Variants in LRCH3 observed in about 807,000 individuals in gnomAD.
LRCH3 encodes leucine rich repeats and calponin homology domain containing 3, also known as DISP complex protein LRCH3.
Under a neutral mutation model 104.5 loss-of-function variants are expected in LRCH3, and 68 were observed. The ratio of observed to expected loss-of-function variants is 0.65; its 90% confidence interval spans 0.54 to 0.80. LRCH3 has a LOEUF of 0.80. Ranked by LOEUF, LRCH3 falls within the 30% of genes least tolerant of loss-of-function variation. The pLI is 0.00. For synonymous variants in LRCH3, 344 were observed against 361.3 expected (o/e 0.95, Z 0.54); for missense variants, 951 against 953.9 (o/e 1.00, Z 0.04).
At chr3:197,822,065 T>C (rs895342329) in intron 4 of LRCH3, among the ~76,000 whole-genome samples, 5 of 152,246 alleles carry the variant, frequency 3.3e-5, no homozygotes, top group African/African-American at 1.2e-4. Context: ...TATTTAGTTC[T>C]AACATACTAG....
At chr3:197,872,687 A>G (rs774010026) in intron 19 of LRCH3, among the ~76,000 whole-genome samples, 1 of 151,926 alleles carries the variant, frequency 6.6e-6, no homozygotes. Context: ...TGAAACCCCA[A>G]CTCTACTAAA....
At position 197,886,875 on chromosome 3, in the gene LRCH3, A is replaced by G. The variant is rs1714239791; in HGVS notation, c.*3209A>G. 6.6e-6 allele frequency: 1 copy of G among 152,094 alleles called. No individual in the cohort carries two copies. The highest frequency in any genetic ancestry group is 2.4e-5 in the African/African-American group (1 of 41,426). The allele number at this position is 152,094 out of a possible 1,614,324, so 9.4% of individuals were successfully genotyped here. A position where few individuals can be genotyped will look rare whatever the true frequency, so the allele number is the denominator to read the frequency against. On this transcript the variant is annotated 3_prime_UTR_variant, in exon 21 of 21. Transcript: ENST00000425562. ...GCAAGGAATAATTCTAGAAGACATTACATAATGCAATACTTGCAACATTTG... is the reference window on the plus strand; with the variant it reads ...GCAAGGAATAATTCTAGAAGACATTGCATAATGCAATACTTGCAACATTTG...
chr3:197,864,731 A>G (rs1741280510), intron 15 of LRCH3, among the ~76,000 whole-genome samples: 1 of 144,916 alleles, frequency 6.9e-6, no homozygotes, highest in Admixed American at 6.8e-5. Flanking sequence ...TTTTTTCCAA[A>G]GGGGGTCAGG....
At chr3:197,879,167 G>C (rs1713255414) in intron 20 of LRCH3, among the ~76,000 whole-genome samples, 1 of 152,166 alleles carries the variant, frequency 6.6e-6, no homozygotes, top group Admixed American at 6.6e-5. Context: ...TCTGAGTCCA[G>C]TATCTTTTGT....
rs935085141 is a variant in LRCH3 at position 197,871,392 on chromosome 3, T to C, written c.2060T>C (p.Val687Ala). The C allele has an allele frequency of 6.2e-7, 1 of 1,614,206 alleles. No individual in the cohort carries two copies. The highest frequency in any genetic ancestry group is 8.5e-7 in the Non-Finnish European group (1 of 1,180,032). The change falls in exon 19 of 21, where the codon GTT (valine) becomes GCT (alanine). Residue 687 changes from valine to alanine, a missense_variant. Coordinates refer to ENST00000425562, the MANE Select transcript of LRCH3 (RefSeq NM_001365715.1). ...GGAGCAGCTCTAACTGACGGTGTTG[T>C]TCTTTGCCATTTGGCCAATCATGTG... ...DLGAALTDGV[V>A]LCHLANHVRP...
intron 17 of LRCH3, among the ~76,000 whole-genome samples, chr3:197,868,253 G>T (rs1340954971): frequency 6.6e-6 from 1 of 152,046 alleles, no homozygotes; most frequent in Non-Finnish European, 1.5e-5. Flanking sequence ...CCACAATAAA[G>T]AAATAATACT....
intron 12 of LRCH3, chr3:197,850,365 TTTTC>T: frequency 5.2e-6 from 5 of 955,784 alleles, no homozygotes; most frequent in East Asian, 2.5e-5. Flanking sequence ...TTTTTTTTTT[TTTTC>T]CTTTTAATTA....
At chr3:197,826,265 C>T (rs1277908618) in intron 4 of LRCH3, among the ~76,000 whole-genome samples, 4 of 152,112 alleles carry the variant, frequency 2.6e-5, no homozygotes, top group Admixed American at 2.0e-4. Flanking sequence ...TCCATTTCTT[C>T]TTCGTTATTG....
chr3:197,855,533 T>A (rs982070238), intron 14 of LRCH3, among the ~76,000 whole-genome samples: 2 of 152,180 alleles, frequency 1.3e-5, no homozygotes, highest in African/African-American at 4.8e-5. Context: ...CAATGTCGCA[T>A]AGACAGTAAG....
At chr3:197,882,809 G>T in intron 20 of LRCH3, 1 of 985,396 alleles carries the variant, frequency 1.0e-6, no homozygotes, top group Non-Finnish European at 1.2e-6. Flanking sequence ...TAATCAACAT[G>T]TTCCTGCCTA....
intron 12 of LRCH3, among the ~76,000 whole-genome samples, chr3:197,850,233 A>T (rs1034113518): frequency 6.6e-6 from 1 of 152,106 alleles, no homozygotes; most frequent in Non-Finnish European, 1.5e-5. Context: ...AATTATTGAG[A>T]TGATGATAAT....
At chr3:197,804,383 T>A (rs917455511) in intron 1 of LRCH3, among the ~76,000 whole-genome samples, 42 of 152,162 alleles carry the variant, frequency 2.8e-4, no homozygotes, top group African/African-American at 6.7e-4. Flanking sequence ...ATGGTTAGAG[T>A]TTGATGTTAG....
At chr3:197,828,761 G>C (rs1735550929) in intron 5 of LRCH3, among the ~76,000 whole-genome samples, 1 of 143,546 alleles carries the variant, frequency 7.0e-6, no homozygotes. Flanking sequence ...AGGCCGGAGT[G>C]CAATGGTGCG....
At chr3:197,837,873 G>A (rs759598813) in intron 9 of LRCH3, among the ~76,000 whole-genome samples, 7 of 149,584 alleles carry the variant, frequency 4.7e-5, no homozygotes, top group African/African-American at 7.4e-5. Flanking sequence ...ATGAAGAAAC[G>A]CTGTCTCTAC....
rs532330644 is a variant in LRCH3 at position 197,856,719 on chromosome 3, A to C, written c.1645-2115A>C. ...TCTTTTATTATCTCTTTTCTGTTGGACTACTAGACTATAAGCTTCATGAAC... is the reference window on the plus strand; with the variant it reads ...TCTTTTATTATCTCTTTTCTGTTGGCCTACTAGACTATAAGCTTCATGAAC... On this transcript the variant is annotated intron_variant, in intron 14 of 20. Transcript: ENST00000425562. The surrounding 1 kb of genome is among the most constrained non-coding windows in gnomAD (Gnocchi z 4.2). 5.9e-5 allele frequency among the ~76,000 whole-genome samples: 9 copies of C among 152,054 alleles called. No individual in the cohort carries two copies. Among genetic ancestry groups the C allele is most frequent in the Non-Finnish European group, 1.3e-4 (9 of 68,010 alleles).
At chr3:197,875,463 A>G (rs1186279082) in intron 19 of LRCH3, among the ~76,000 whole-genome samples, 1 of 152,198 alleles carries the variant, frequency 6.6e-6, no homozygotes, top group African/African-American at 2.4e-5. Context: ...CAGGAATTCA[A>G]GACCAGCCTG....
intron 2 of LRCH3, among the ~76,000 whole-genome samples, chr3:197,815,487 T>C (rs1349758489): frequency 1.3e-5 from 2 of 152,304 alleles, no homozygotes; most frequent in East Asian, 3.9e-4. Flanking sequence ...TTCTACTGAA[T>C]GTGTATTGCA....
intron 15 of LRCH3, 150 bp downstream of exon 15, chr3:197,859,055 C>G (rs189016107): frequency 1.5e-6 from 1 of 655,700 alleles, no homozygotes; most frequent in Non-Finnish European, 2.7e-6. Context: ...ATTGATTTCC[C>G]TTGAAATTTT....
intron 18 of LRCH3, among the ~76,000 whole-genome samples, chr3:197,870,495 CG>C (rs764549286): frequency 3.8e-4 from 58 of 151,992 alleles, no homozygotes; most frequent in Admixed American, 5.9e-4. Flanking sequence ...CCTCCTGAGT[CG>C]CTGGGATTAC....
Sources: allele counts gnomAD v4.1 joint callset (sites outside exome capture counted in the v4.1 genomes callset), GRCh38; gene constraint gnomAD v4.1.1; non-coding constraint Gnocchi (gnomAD v3.1); transcripts MANE v1.5; gene names NCBI Gene and HGNC (gene_info 2026-07-23, HGNC 2026-07-21).